SCN2A: variants seen among roughly 807,000 people sequenced by gnomAD.
SCN2A encodes sodium channel protein type 2 subunit alpha.
A neutral mutation model predicts 188.7 loss-of-function variants in SCN2A; 20 were observed. That is an observed-to-expected ratio of 0.11 (90% CI 0.07 to 0.15). The LOEUF is 0.15. SCN2A is among the 10% of genes least tolerant of loss of function. The pLI is 1.00. For synonymous variants in SCN2A, 804 were observed against 833.1 expected, an observed-to-expected ratio of 0.97 and a Z score of 0.60; for missense variants, 1,278 against 2,445.0, an observed-to-expected ratio of 0.52 and a Z score of 10.07.
intron 1 of SCN2A, among the ~76,000 whole-genome samples, chr2:165,276,948 G>A (rs1695369165): frequency 6.6e-6 from 1 of 152,122 alleles, no homozygotes. Flanking sequence ...GGCTGAGGTG[G>A]GCGGATCACG....
At chr2:165,349,762 C>T (rs959755011) in intron 16 of SCN2A, among the ~76,000 whole-genome samples, 7 of 152,044 alleles carry the variant, frequency 4.6e-5, no homozygotes, top group Non-Finnish European at 8.8e-5. Flanking sequence ...TCTGGAGTAG[C>T]TAAGGTAGTC....
chr2:165,332,094 T>C (rs1698718039), intron 14 of SCN2A, among the ~76,000 whole-genome samples: 1 of 151,898 alleles, frequency 6.6e-6, no homozygotes, highest in African/African-American at 2.4e-5. Context: ...TATTAGCATT[T>C]ACTGGATACA....
At chr2:165,333,100 T>G (rs996302623) in intron 14 of SCN2A, among the ~76,000 whole-genome samples, 2 of 152,062 alleles carry the variant, frequency 1.3e-5, no homozygotes, top group Non-Finnish European at 2.9e-5. Context: ...ACCAGTCAGT[T>G]ACCCTAGCTC....
chr2:165,250,550 C>T (rs1694044286), intron 1 of SCN2A, among the ~76,000 whole-genome samples: 1 of 151,320 alleles, frequency 6.6e-6, no homozygotes, highest in Non-Finnish European at 1.5e-5. Context: ...AAAAAAATCT[C>T]TATTTCCAAA....
chr2:165,331,696 A>G (rs1698683786), intron 14 of SCN2A, 128 bp downstream of exon 14: 2 of 789,288 alleles, frequency 2.5e-6, no homozygotes, highest in East Asian at 5.3e-5. Context: ...AATGTTTAGC[A>G]TCCCTTTTAA....
Position 165,373,239 on chromosome 2 carries a change from C to T in SCN2A, c.3864C>T (p.Ser1288=). The part of the protein sequence containing the change: ...DFLIVDVSLV[S]LTANALGYSE... ...TTTCTGTATAGGTCTCACTGGTTAG[C>T]TTAACTGCAAATGCCTTGGGTTACT... Residue 1288 remains serine (S), a synonymous_variant, in exon 21 of 27, where the codon AGC becomes AGT. Transcript: ENST00000375437. 1 of 1,613,356 alleles carries T rather than the reference C, an allele frequency of 6.2e-7. No homozygotes were observed.
At chr2:165,278,245 A>G (rs1017866428) in intron 1 of SCN2A, among the ~76,000 whole-genome samples, 17 of 152,222 alleles carry the variant, frequency 1.1e-4, no homozygotes, top group African/African-American at 3.4e-4. Context: ...GGTAGAGTAT[A>G]TTAGTCCATT....
chr2:165,253,041 C>T (rs1470118341), intron 1 of SCN2A, among the ~76,000 whole-genome samples: 1 of 152,022 alleles, frequency 6.6e-6, no homozygotes, highest in African/African-American at 2.4e-5. Flanking sequence ...TGTTGGGTCT[C>T]ATCACAGGTG....
chr2:165,247,280 A>C (rs1202606136), intron 1 of SCN2A, among the ~76,000 whole-genome samples: 1 of 152,010 alleles, frequency 6.6e-6, no homozygotes, highest in Non-Finnish European at 1.5e-5. Context: ...TCCTTCAACT[A>C]TCTTTTTTTT....
At position 165,390,536 on chromosome 2, in the gene SCN2A, A is replaced by C. The variant is rs1167866739; in HGVS notation, c.*712A>C. On this transcript the variant is annotated 3_prime_UTR_variant, in exon 27 of 27. Transcript: ENST00000375437. ...CCAGAAAAAATTTAATGTGCCTGTAAATGTTCCATAGAATCACAAGCATTA... is the reference window on the plus strand; with the variant it reads ...CCAGAAAAAATTTAATGTGCCTGTACATGTTCCATAGAATCACAAGCATTA... 1 of 152,690 alleles carries C rather than the reference A, an allele frequency of 6.5e-6. No homozygotes were observed. Among genetic ancestry groups the C allele is most frequent in the Non-Finnish European group, 1.5e-5 (1 of 68,176 alleles). 9.5% of individuals were successfully genotyped at this position (152,690 alleles called of 1,614,324 possible).
chr2:165,263,062 C>T (rs111664733), intron 1 of SCN2A, among the ~76,000 whole-genome samples: 6,670 of 133,484 alleles, frequency 0.05, 190 homozygotes, highest in East Asian at 0.11. Flanking sequence ...TGTCTATTCA[C>T]GTCCTTAGCC....
chr2:165,308,002 G>T, intron 4 of SCN2A, 65 bp downstream of exon 4: 1 of 1,030,786 alleles, frequency 9.7e-7, no homozygotes, highest in South Asian at 1.3e-5. Flanking sequence ...TTAACACCTT[G>T]AGACCTCCTC....
intron 14 of SCN2A, among the ~76,000 whole-genome samples, chr2:165,332,056 ATTAT>A (rs913097625): frequency 4.0e-5 from 6 of 151,860 alleles, no homozygotes; most frequent in African/African-American, 1.2e-4. Context: ...AAATTTAGAA[ATTAT>A]TTATTTAATT....
chr2:165,256,726 G>A (rs896493648), intron 1 of SCN2A, among the ~76,000 whole-genome samples: 3 of 152,062 alleles, frequency 2.0e-5, no homozygotes, highest in African/African-American at 7.2e-5. Flanking sequence ...ATCTTAATCA[G>A]AGTATATCCT....
chr2:165,278,825 G>A (rs1047064295), intron 1 of SCN2A, among the ~76,000 whole-genome samples: 6 of 152,180 alleles, frequency 3.9e-5, no homozygotes, highest in African/African-American at 1.2e-4. Context: ...AGCTACTTAG[G>A]AGGCTGAGAT....
rs534998022 is a variant in SCN2A, at chr2:165,390,730, A to T, written c.*906A>T. On this transcript the variant is annotated 3_prime_UTR_variant, in exon 27 of 27. Coordinates refer to ENST00000375437, the MANE Select transcript of SCN2A (RefSeq NM_001040142.2). ...CAGCAGCATGACTATCACATTTTTG[A>T]TAAGTGTCCTTTGGCATAAAATAAA... 2 of 152,558 alleles carry T rather than the reference A, an allele frequency of 1.3e-5. No homozygotes were observed. The highest frequency in any genetic ancestry group is 4.1e-4 in the South Asian group (2 of 4,820). 9.5% of individuals were successfully genotyped at this position (152,558 alleles called of 1,614,324 possible).
intron 26 of SCN2A, 124 bp from the exon 27 acceptor site, chr2:165,388,505 A>C: frequency 7.7e-7 from 1 of 1,298,860 alleles, no homozygotes; most frequent in African/African-American, 1.5e-5. Context: ...ATTGCAGATT[A>C]TTTGCATATA....
intron 11 of SCN2A, 83 bp from the exon 12 acceptor site, chr2:165,323,073 A>G: frequency 2.3e-6 from 3 of 1,281,916 alleles, no homozygotes; most frequent in Non-Finnish European, 3.3e-6. Context: ...TGACTATGAC[A>G]CAATGAATCA....
At chr2:165,328,609 T>TA (rs1698493706) in intron 13 of SCN2A, 2 of 643,984 alleles carry the variant, frequency 3.1e-6, no homozygotes, top group Middle Eastern at 8.1e-4. Context: ...AGACATTACT[T>TA]AAAAAACCTC....
Sources: allele counts gnomAD v4.1 joint callset (sites outside exome capture counted in the v4.1 genomes callset), GRCh38; gene constraint gnomAD v4.1.1; transcripts MANE v1.5; gene names NCBI Gene and HGNC (gene_info 2026-07-23, HGNC 2026-07-21).